Variants in SH3RF3 observed in about 807,000 individuals in gnomAD.
SH3RF3 encodes SH3 domain containing ring finger 3.
SH3RF3 carries 29 observed loss-of-function variants against 66.3 expected under a neutral mutation model. That is an observed-to-expected ratio of 0.44 (90% CI 0.33 to 0.60). The LOEUF (loss-of-function observed/expected upper bound fraction) is 0.60, where lower values mean the gene tolerates loss of function less well. Among genes scored for constraint, SH3RF3 ranks in the 20% least tolerant of loss-of-function variants. SH3RF3 has a pLI of 0.04. For missense variants in SH3RF3, 1,194 were observed against 1,190.9 expected (o/e 1.00, Z -0.04); for synonymous variants, 583 against 532.0 (o/e 1.10, Z -1.32).
intron 1 of SH3RF3, among the ~76,000 whole-genome samples, chr2:109,272,944 C>A (rs990326719): frequency 6.6e-6 from 1 of 152,162 alleles, no homozygotes; most frequent in Admixed American, 6.5e-5. Flanking sequence ...AAAGGAATCA[C>A]AAAGGACCCG....
At chr2:109,451,051 C>CT (rs1677853418) in intron 8 of SH3RF3, among the ~76,000 whole-genome samples, 1 of 152,240 alleles carries the variant, frequency 6.6e-6, no homozygotes, top group Non-Finnish European at 1.5e-5. Flanking sequence ...GCCGGGAACG[C>CT]TGCAGACATG....
chr2:109,436,839 G>T, intron 6 of SH3RF3, 54 bp from the exon 7 acceptor site: 8 of 1,578,058 alleles, frequency 5.1e-6, no homozygotes, highest in East Asian at 2.3e-5. Context: ...AGGCCCACAT[G>T]GCACGAATGC....
chr2:109,419,667 G>A (rs892196641), intron 5 of SH3RF3, 25 bp downstream of exon 5: 1 of 1,550,688 alleles, frequency 6.4e-7, no homozygotes, highest in African/African-American at 1.4e-5. Flanking sequence ...GTGTCTGTCG[G>A]GGTCCTGTGC....
chr2:109,449,152 C>G lies in SH3RF3; in HGVS notation c.1829-18C>G. On this transcript the variant is annotated intron_variant, in intron 7 of 9. Transcript: ENST00000309415. ...AAACTAACCTTTCAACCTGCTGTCT[C>G]TCCAACCCCGTCTCCAGCTGCCCAC... is the stretch of plus-strand genomic sequence containing the variant. 1.2e-6 allele frequency: 2 copies of G among 1,610,684 alleles called. No individual in the cohort carries two copies. The highest frequency in any genetic ancestry group is 1.7e-6 in the Non-Finnish European group (2 of 1,178,704).
intron 1 of SH3RF3, among the ~76,000 whole-genome samples, chr2:109,291,515 G>T (rs1271864335): frequency 6.6e-6 from 1 of 152,204 alleles, no homozygotes; most frequent in Admixed American, 6.5e-5. Context: ...GCGGAGGAGC[G>T]CTTGTGAGAT....
intron 1 of SH3RF3, among the ~76,000 whole-genome samples, chr2:109,282,719 A>G (rs1262191680): frequency 6.6e-6 from 1 of 152,180 alleles, no homozygotes; most frequent in Non-Finnish European, 1.5e-5. Flanking sequence ...TACCAGCTTT[A>G]TGGCTTTGTT....
intron 8 of SH3RF3, among the ~76,000 whole-genome samples, chr2:109,466,072 CTTTTTT>C (rs1171998206): frequency 1.2e-5 from 1 of 82,334 alleles, no homozygotes; most frequent in African/African-American, 4.4e-5. Flanking sequence ...ACCTGTACAT[CTTTTTT>C]TTTTTTTTTT....
chr2:109,323,180 G>A (rs1367635933), intron 1 of SH3RF3, among the ~76,000 whole-genome samples: 1 of 152,228 alleles, frequency 6.6e-6, no homozygotes, highest in Non-Finnish European at 1.5e-5. Flanking sequence ...GGAAGGGGAG[G>A]TGTGTATTTC....
intron 1 of SH3RF3, among the ~76,000 whole-genome samples, chr2:109,253,310 C>T (rs534556235): frequency 1.3e-5 from 2 of 152,312 alleles, no homozygotes; most frequent in African/African-American, 2.4e-5. Flanking sequence ...TGAGCCACTG[C>T]GCCCGGCCTA....
At position 109,129,832 on chromosome 2, in the gene SH3RF3, C is replaced by G. The variant is rs1339328571; in HGVS notation, c.292C>G (p.Arg98Gly). 2 of 1,536,422 alleles carry G rather than the reference C, an allele frequency of 1.3e-6. No homozygotes were observed. Among genetic ancestry groups the G allele is most frequent in the Non-Finnish European group, 8.7e-7 (1 of 1,145,082 alleles). ...CCACGAGCTGCGCTGCCCCGAGTGC[C>G]GCATCCTGGTGGGCTGCGGCGTGGA... ...SRHELRCPECRILVGCGVDEL... is the reference protein window; with the variant it reads ...SRHELRCPECGILVGCGVDEL... The change falls in exon 1 of 10, where the codon CGC becomes GGC. Residue 98 changes from arginine (R) to glycine (G), a missense_variant. Arg to Gly is a moderately radical substitution (Grantham distance 125). Transcript: ENST00000309415.
rs565888303 is a variant in SH3RF3, at chr2:109,353,252, C to A, written c.849+5303C>A. 6.8e-4 allele frequency among the ~76,000 whole-genome samples: 104 copies of A among 152,344 alleles called. 1 individual carries two copies. In the South Asian group the frequency reaches 0.02, roughly 29 times the overall value. ...CTGCACTGGCCTCCTGGTGGGTTCT[C>A]CCTGCAGCCGAGCCCACTGCCTCCC... On this transcript the variant is annotated intron_variant, in intron 2 of 9. Transcript: ENST00000309415.
Position 109,449,308 on chromosome 2 carries a change from C to G in SH3RF3, c.1967C>G (p.Pro656Arg), listed in dbSNP as rs762392782. The change falls in exon 8 of 10, where the codon CCC becomes CGC. Residue 656 changes from proline to arginine, a missense_variant. Coordinates refer to ENST00000309415, the MANE Select transcript of SH3RF3 (RefSeq NM_001099289.3). ...SVVSPQHSHQ[P>R]PVQMCPRPAI... The stretch of plus-strand genomic sequence containing the variant: ...GTGTCCCCGCAGCACAGCCACCAGC[C>G]CCCGGTGCAGATGTGCCCACGGCCG... 2 of 1,608,268 alleles carry G rather than the reference C, an allele frequency of 1.2e-6. No homozygotes were observed.
chr2:109,343,936 G>C (rs576950984), intron 1 of SH3RF3, among the ~76,000 whole-genome samples: 1 of 152,012 alleles, frequency 6.6e-6, no homozygotes, highest in Non-Finnish European at 1.5e-5. Flanking sequence ...TAGAGATAGG[G>C]TCTCAGCGTG....
At chr2:109,329,577 A>G (rs780267102) in intron 1 of SH3RF3, among the ~76,000 whole-genome samples, 16 of 152,174 alleles carry the variant, frequency 1.1e-4, no homozygotes, top group Non-Finnish European at 4.4e-5. Context: ...CAAGTTTCAG[A>G]GGTGGAAGGC....
At chr2:109,148,617 A>G (rs995567816) in intron 1 of SH3RF3, among the ~76,000 whole-genome samples, 2 of 152,256 alleles carry the variant, frequency 1.3e-5, no homozygotes, top group African/African-American at 4.8e-5. Context: ...GTATAATTAA[A>G]GATGGCATTA....
At chr2:109,405,641 G>A (rs1355730795) in intron 4 of SH3RF3, among the ~76,000 whole-genome samples, 1 of 152,170 alleles carries the variant, frequency 6.6e-6, no homozygotes, top group Non-Finnish European at 1.5e-5. Flanking sequence ...TGTGCAGAAG[G>A]CTCCTGCCCG....
At chr2:109,203,885 G>GC (rs1678745734) in intron 1 of SH3RF3, among the ~76,000 whole-genome samples, 1 of 152,228 alleles carries the variant, frequency 6.6e-6, no homozygotes, top group Admixed American at 6.5e-5. Context: ...TCCCTGTGCG[G>GC]CCTGGCAGCC....
At chr2:109,374,178 G>A (rs1037892546) in intron 3 of SH3RF3, among the ~76,000 whole-genome samples, 1 of 152,134 alleles carries the variant, frequency 6.6e-6, no homozygotes. Context: ...TGGATAGGAA[G>A]CCCTGGACTG....
At chr2:109,237,398 G>T (rs1679674614) in intron 1 of SH3RF3, among the ~76,000 whole-genome samples, 2 of 152,182 alleles carry the variant, frequency 1.3e-5, no homozygotes, top group Admixed American at 1.3e-4. Flanking sequence ...ATAAAAAAGT[G>T]CACAGTCTTA....
Sources: gnomAD v4.1 joint callset for allele counts (sites outside exome capture counted in the v4.1 genomes callset) on GRCh38, gnomAD v4.1.1 for gene constraint, MANE v1.5 for transcripts, NCBI Gene and HGNC (gene_info 2026-07-23, HGNC 2026-07-21) for gene names.